KBTBD11: variants seen among roughly 807,000 people sequenced by gnomAD.
The protein encoded by KBTBD11 is kelch repeat and BTB domain containing 11.
For synonymous variants in KBTBD11, 747 were observed against 499.0 expected, an observed-to-expected ratio of 1.50 and a Z score of -6.63; for missense variants, 1,390 against 1,001.8, an observed-to-expected ratio of 1.39 and a Z score of -5.23.
At chr8:1,982,149 T>G (rs1187696382) in intron 1 of KBTBD11, among the ~76,000 whole-genome samples, 1 of 152,226 alleles carries the variant, frequency 6.6e-6, no homozygotes. Flanking sequence ...AGTATAGAGT[T>G]ATTTTATTGA....
chr8:1,994,420 C>T lies in KBTBD11; in HGVS notation c.-908-5865C>T, dbSNP rs538092283. ...TGCTCAGCCCCGTGCATGGCTGTGACAGGCGTCAGCTCAGACAGGGCCGGG... is the reference window on the plus strand; with the variant it reads ...TGCTCAGCCCCGTGCATGGCTGTGATAGGCGTCAGCTCAGACAGGGCCGGG... On this transcript the variant is annotated intron_variant, in intron 1 of 1. Coordinates refer to ENST00000320248, the MANE Select transcript of KBTBD11 (RefSeq NM_014867.3). Among the ~76,000 whole-genome samples the T allele has an allele frequency of 5.3e-5, 8 of 152,362 alleles. No individual in the cohort carries two copies. The South Asian group carries it at 1.7e-3, about 32-fold the overall frequency.
intron 1 of KBTBD11, among the ~76,000 whole-genome samples, chr8:1,979,130 C>T (rs1181021133): frequency 1.3e-5 from 2 of 152,182 alleles, no homozygotes; most frequent in South Asian, 2.1e-4. Context: ...GGACCTGGCT[C>T]ATCCGATGGT....
rs768954062 is a variant in KBTBD11 at position 2,001,230 on chromosome 8, G to T, written c.38G>T (p.Gly13Val). 1.4e-6 allele frequency: 2 copies of T among 1,472,652 alleles called. No individual in the cohort carries two copies. Among genetic ancestry groups the T allele is most frequent in the African/African-American group, 1.5e-5 (1 of 68,618 alleles). 91.2% of individuals were successfully genotyped at this position (1,472,652 alleles called of 1,614,324 possible). Residue 13 changes from glycine to valine, a missense_variant, in exon 2 of 2, where the codon GGG becomes GTG. Coordinates refer to ENST00000320248, the MANE Select transcript of KBTBD11 (RefSeq NM_014867.3). ...HAVAPCVLYP[G>V]TEPGAAGESE... ...GTGGCCCCCTGCGTCCTCTACCCAG[G>T]GACTGAGCCCGGGGCTGCCGGGGAG...
intron 1 of KBTBD11, among the ~76,000 whole-genome samples, chr8:1,982,476 A>C (rs977286561): frequency 6.8e-6 from 1 of 146,038 alleles, no homozygotes; most frequent in African/African-American, 2.4e-5. Context: ...TGGGTTAAAA[A>C]AACATATAAG....
intron 1 of KBTBD11, among the ~76,000 whole-genome samples, chr8:1,997,193 G>A (rs982838717): frequency 1.3e-5 from 2 of 152,140 alleles, no homozygotes; most frequent in African/African-American, 4.8e-5. Context: ...ACGCTCCTCA[G>A]GGAGCCTCTT....
chr8:1,979,160 C>A (rs919285741), intron 1 of KBTBD11, among the ~76,000 whole-genome samples: 1 of 152,222 alleles, frequency 6.6e-6, no homozygotes, highest in South Asian at 2.1e-4. Context: ...AGTCTGAGAT[C>A]TGCAGGGCAG....
rs1817486648 is a variant in KBTBD11, at chr8:2,003,747, C to G, written c.*683C>G. 1 of 166,940 alleles carries G rather than the reference C, an allele frequency of 6.0e-6. No homozygotes were observed. The highest frequency in any genetic ancestry group is 2.1e-4 in the South Asian group (1 of 4,820). The allele number at this position is 166,940 out of a possible 1,614,324, so 10.3% of individuals were successfully genotyped here. A position where few individuals can be genotyped will look rare whatever the true frequency, so the allele number is the denominator to read the frequency against. On this transcript the variant is annotated 3_prime_UTR_variant, in exon 2 of 2. Transcript: ENST00000320248. ...GAGCAGCTCCGTCTCACTGTTGGAC[C>G]GAGGGGGCTTTCATATTTTCAGTTG...
Position 1,981,398 on chromosome 8 carries a change from C to CT in KBTBD11, c.-909+7464dup, listed in dbSNP as rs755096024. On this transcript the variant is annotated intron_variant, in intron 1 of 1. Coordinates refer to ENST00000320248, the MANE Select transcript of KBTBD11 (RefSeq NM_014867.3). Reference sequence around the variant, plus strand: ...AGTACACGGTTGAATTCACAATACTCTAACACTGTAACGATGGTATGTAAA... The same window carrying CT: ...AGTACACGGTTGAATTCACAATACTCTTAACACTGTAACGATGGTATGTAAA... Among the ~76,000 whole-genome samples the CT allele has an allele frequency of 1.2e-4, 19 of 152,314 alleles. No individual in the cohort carries two copies. The East Asian group carries it at 1.7e-3, about 14-fold the overall frequency.
rs1817414901 is a variant in KBTBD11, at chr8:2,002,397, G to A, written c.1205G>A (p.Arg402His). The A allele has an allele frequency of 6.8e-7, 1 of 1,479,726 alleles. No individual in the cohort carries two copies. Among genetic ancestry groups the A allele is most frequent in the Non-Finnish European group, 8.9e-7 (1 of 1,121,384 alleles). 91.7% of individuals were successfully genotyped at this position (1,479,726 alleles called of 1,614,324 possible). Residue 402 changes from arginine (R) to histidine (H), a missense_variant, in exon 2 of 2, where the codon CGC becomes CAC. Coordinates refer to ENST00000320248, the MANE Select transcript of KBTBD11 (RefSeq NM_014867.3). This position sits in a 1 kb window ranked among gnomAD's most constrained non-coding sequence, Gnocchi z 4.1. The part of the protein sequence containing the change: ...WSAVRPLRQA[R>H]SQLRLLALDG... Reference sequence around the variant, plus strand: ...GCCGTGAGGCCCCTGCGCCAGGCGCGCTCGCAGCTGCGGCTGCTGGCCCTG... The same window carrying A: ...GCCGTGAGGCCCCTGCGCCAGGCGCACTCGCAGCTGCGGCTGCTGGCCCTG...
intron 1 of KBTBD11, among the ~76,000 whole-genome samples, chr8:1,976,721 C>T (rs1326999420): frequency 2.0e-5 from 3 of 152,104 alleles, no homozygotes; most frequent in Non-Finnish European, 4.4e-5. Flanking sequence ...TAATAACACA[C>T]GGAGATGAGT....
In KBTBD11 at chr8:2,000,974, C is replaced by A; in HGVS notation, c.-219C>A. Reference sequence around the variant, plus strand: ...GTTCAGCAAGTCGGACACACCCCTCCTCGCTGGAGAGGAGAGGGCAAAGGC... The same window carrying A: ...GTTCAGCAAGTCGGACACACCCCTCATCGCTGGAGAGGAGAGGGCAAAGGC... On this transcript the variant is annotated 5_prime_UTR_variant, in exon 2 of 2. Transcript: ENST00000320248. 1 of 497,040 alleles carries A rather than the reference C, an allele frequency of 2.0e-6. No homozygotes were observed. Among genetic ancestry groups the A allele is most frequent in the Non-Finnish European group, 3.2e-6 (1 of 317,450 alleles). The allele number at this position is 497,040 out of a possible 1,614,324, so 30.8% of individuals were successfully genotyped here.
intron 1 of KBTBD11, among the ~76,000 whole-genome samples, chr8:1,982,929 T>A (rs1381889885): frequency 6.6e-6 from 1 of 152,156 alleles, no homozygotes; most frequent in Non-Finnish European, 1.5e-5. Context: ...TATTGCCATG[T>A]TGTCCAGGCT....
At chr8:1,998,573 G>GA (rs1358320654) in intron 1 of KBTBD11, among the ~76,000 whole-genome samples, 1 of 152,198 alleles carries the variant, frequency 6.6e-6, no homozygotes, top group Admixed American at 6.5e-5. Flanking sequence ...TCCAGCCAGA[G>GA]AAAGAACTAG....
Position 2,003,752 on chromosome 8 carries a change from G to A in KBTBD11, c.*688G>A, listed in dbSNP as rs564340312. ...GCTCCGTCTCACTGTTGGACCGAGG[G>A]GGCTTTCATATTTTCAGTTGAAAGG... On this transcript the variant is annotated 3_prime_UTR_variant, in exon 2 of 2. Transcript: ENST00000320248. 6.0e-6 allele frequency: 1 copy of A among 166,984 alleles called. No individual in the cohort carries two copies. Among genetic ancestry groups the A allele is most frequent in the Non-Finnish European group, 1.5e-5 (1 of 68,122 alleles). The allele number at this position is 166,984 out of a possible 1,614,324, so 10.3% of individuals were successfully genotyped here. A position where few individuals can be genotyped will look rare whatever the true frequency, so the allele number is the denominator to read the frequency against.
At chr8:1,993,520 C>CCATCCATCCAG (rs1817007899) in intron 1 of KBTBD11, among the ~76,000 whole-genome samples, 3 of 117,610 alleles carry the variant, frequency 2.6e-5, no homozygotes, top group African/African-American at 1.0e-4. Context: ...CATCCATCCA[C>CCATCCATCCAG]CCATCCATCC....
rs963944852 is a variant in KBTBD11 at position 2,005,167 on chromosome 8, T to C, written c.*2103T>C. The stretch of plus-strand genomic sequence containing the variant: ...CATGGCTTTCCAGCGTTTCATTTAG[T>C]GAAGGAATGCTCACACTAGATGTAG... On this transcript the variant is annotated 3_prime_UTR_variant, in exon 2 of 2. Coordinates refer to ENST00000320248, the MANE Select transcript of KBTBD11 (RefSeq NM_014867.3). 7 of 167,086 alleles carry C rather than the reference T, an allele frequency of 4.2e-5. No homozygotes were observed. Among genetic ancestry groups the C allele is most frequent in the Non-Finnish European group, 1.0e-4 (7 of 68,120 alleles). 10.4% of individuals were successfully genotyped at this position (167,086 alleles called of 1,614,324 possible).
At chr8:1,981,268 C>G (rs769001574) in intron 1 of KBTBD11, among the ~76,000 whole-genome samples, 1 of 152,146 alleles carries the variant, frequency 6.6e-6, no homozygotes, top group South Asian at 2.1e-4. Context: ...CACCACCAGA[C>G]CTGTCTTATA....
At position 2,001,245 on chromosome 8, in the gene KBTBD11, C is replaced by A. The variant is rs1482018108; in HGVS notation, c.53C>A (p.Ala18Asp). ...CTCTACCCAGGGACTGAGCCCGGGG[C>A]TGCCGGGGAGAGCGAGAGCGAGGGC... ...CVLYPGTEPGAAGESESEGAA... is the reference protein window; with the variant it reads ...CVLYPGTEPGDAGESESEGAA... Residue 18 changes from alanine (A) to aspartate (D), a missense_variant, in exon 2 of 2, where the codon GCT (alanine) becomes GAT (aspartate). Physicochemically the swap from Ala to Asp is moderately radical, Grantham distance 126. Coordinates refer to ENST00000320248, the MANE Select transcript of KBTBD11 (RefSeq NM_014867.3). The A allele has an allele frequency of 2.0e-6, 3 of 1,493,912 alleles. No homozygotes were observed. The highest frequency in any genetic ancestry group is 4.2e-5 in the Admixed American group (2 of 47,922). The allele number at this position is 1,493,912 out of a possible 1,614,324, so 92.5% of individuals were successfully genotyped here.
At chr8:1,979,927 G>C (rs1816483866) in intron 1 of KBTBD11, among the ~76,000 whole-genome samples, 3 of 152,332 alleles carry the variant, frequency 2.0e-5, no homozygotes, top group Admixed American at 2.0e-4. Flanking sequence ...AGAGGCCTCT[G>C]TTTGCAGCTG....
Sources: allele counts gnomAD v4.1 joint callset (sites outside exome capture counted in the v4.1 genomes callset), GRCh38; gene constraint gnomAD v4.1.1; non-coding constraint Gnocchi (gnomAD v3.1); transcripts MANE v1.5; gene names NCBI Gene and HGNC (gene_info 2026-07-23, HGNC 2026-07-21).